Variants in ATP1A4 observed in about 807,000 individuals in gnomAD.
ATP1A4 encodes sodium/potassium-transporting ATPase subunit alpha-4.
A neutral mutation model predicts 114.3 loss-of-function variants in ATP1A4; 90 were observed. The ratio of observed to expected loss-of-function variants is 0.79; its 90% CI spans 0.66 to 0.94. The LOEUF (loss-of-function observed/expected upper bound fraction) is 0.94, where lower values mean the gene tolerates loss of function less well. ATP1A4 is among the 40% of genes least tolerant of loss of function. The pLI is 0.00. For synonymous variants in ATP1A4, 511 were observed against 494.1 expected, an observed-to-expected ratio of 1.03 and a Z score of -0.45; for missense variants, 1,222 against 1,313.6, an observed-to-expected ratio of 0.93 and a Z score of 1.08.
At chr1:160,182,397 C>T (rs1001614039) in intron 20 of ATP1A4, among the ~76,000 whole-genome samples, 1 of 152,192 alleles carries the variant, frequency 6.6e-6, no homozygotes, top group Non-Finnish European at 1.5e-5. Flanking sequence ...TTCTGTTGTA[C>T]TTATGCAAAT....
chr1:160,162,770 A>T (rs1652906958), intron 6 of ATP1A4, among the ~76,000 whole-genome samples: 1 of 152,154 alleles, frequency 6.6e-6, no homozygotes, highest in Admixed American at 6.5e-5. Context: ...GGATAAGGGG[A>T]TGTTGGAACA....
intron 18 of ATP1A4, among the ~76,000 whole-genome samples, chr1:160,179,342 T>C (rs1278159590): frequency 6.6e-6 from 1 of 152,226 alleles, no homozygotes; most frequent in African/African-American, 2.4e-5. Context: ...ATCTTGATAC[T>C]TCCTCCCTGC....
At chr1:160,155,766 T>C (rs1652629366) in intron 3 of ATP1A4, among the ~76,000 whole-genome samples, 1 of 151,956 alleles carries the variant, frequency 6.6e-6, no homozygotes, top group African/African-American at 2.4e-5. Flanking sequence ...TCCCTCACAA[T>C]CCACCCCCTC....
chr1:160,168,834 C>G (rs905058761), intron 10 of ATP1A4, among the ~76,000 whole-genome samples: 1 of 152,130 alleles, frequency 6.6e-6, no homozygotes, highest in Admixed American at 6.5e-5. Context: ...CAAACTTATT[C>G]CCATTTTTTT....
intron 4 of ATP1A4, 138 bp downstream of exon 4, chr1:160,156,296 A>G (rs1652662695): frequency 1.6e-6 from 1 of 625,828 alleles, no homozygotes; most frequent in Non-Finnish European, 2.9e-6. Context: ...AAGGTACTGT[A>G]TCAGTCCTTA....
In ATP1A4 at chr1:160,171,437, C is replaced by T. The variant is rs758928463; in HGVS notation, c.1678C>T (p.Leu560=). The T allele has an allele frequency of 1.2e-6, 2 of 1,613,492 alleles. No individual in the cohort carries two copies. Among genetic ancestry groups the T allele is most frequent in the South Asian group, 2.2e-5 (2 of 91,044 alleles). ...LELGGLGERV[L]GFCFLNLPSS... is the part of the protein sequence containing the mutation. ...ACTGGGAGGTCTGGGGGAACGTGTG[C>T]TAGGTGAGGAGCTTTGGGAGAAGTT... Residue 560 remains leucine, a synonymous_variant, in exon 11 of 22, where the codon CTA becomes TTA. Coordinates refer to ENST00000368081, the MANE Select transcript of ATP1A4 (RefSeq NM_144699.4).
rs1024877367 is a variant in ATP1A4, at chr1:160,186,617, C to T, written c.3062-54C>T. The T allele has an allele frequency of 1.9e-6, 3 of 1,588,938 alleles. No individual in the cohort carries two copies. In the African/African-American group the frequency reaches 4.0e-5, roughly 21 times the overall value. On this transcript the variant is annotated intron_variant, in intron 21 of 21. Transcript: ENST00000368081. ...CTGCTTTCCCTTCTGCCTGTCTCCCCTGGATGCCTCTAATTCCTTCTCCCA... is the reference window on the plus strand; with the variant it reads ...CTGCTTTCCCTTCTGCCTGTCTCCCTTGGATGCCTCTAATTCCTTCTCCCA...
In ATP1A4 at chr1:160,186,670, G is replaced by T. The variant is rs139435184; in HGVS notation, c.3062-1G>T. 95 of 1,610,522 alleles carry T rather than the reference G, an allele frequency of 5.9e-5. No individual in the cohort carries two copies. Among genetic ancestry groups the T allele is most frequent in the Non-Finnish European group, 7.7e-5 (91 of 1,178,520 alleles). On this transcript the variant is annotated splice_acceptor_variant, in intron 21 of 21. Transcript: ENST00000368081. LOFTEE classifies it high-confidence loss of function. ...TCACGCTGGCCTCTTCTCTTCCACAGGCTGGGTGGAAAGGGAGACGTACTA... is the reference window on the plus strand; with the variant it reads ...TCACGCTGGCCTCTTCTCTTCCACATGCTGGGTGGAAAGGGAGACGTACTA...
Position 160,171,862 on chromosome 1 carries a change from C to T in ATP1A4, c.1854+105C>T, listed in dbSNP as rs115582908. 2.5e-3 allele frequency: 2,952 copies of T among 1,159,158 alleles called. 66 individuals carry two copies. In the African/African-American group the frequency reaches 0.04, roughly 16 times the overall value. 71.8% of individuals were successfully genotyped at this position (1,159,158 alleles called of 1,614,324 possible). Reference sequence around the variant, plus strand: ...GCTTAATACCCTTAGTTTAATTGAGCGGATTTCTGTTTCCTTGGGCTTATG... The same window carrying T: ...GCTTAATACCCTTAGTTTAATTGAGTGGATTTCTGTTTCCTTGGGCTTATG... On this transcript the variant is annotated intron_variant, in intron 12 of 21. Coordinates refer to ENST00000368081, the MANE Select transcript of ATP1A4 (RefSeq NM_144699.4).
At chr1:160,185,522 A>T (rs940512427) in intron 20 of ATP1A4, among the ~76,000 whole-genome samples, 4 of 152,144 alleles carry the variant, frequency 2.6e-5, no homozygotes, top group African/African-American at 9.7e-5. Flanking sequence ...ACGATGGCTC[A>T]TGCCTATAAT....
chr1:160,180,437 C>T (rs1301808013), intron 18 of ATP1A4, among the ~76,000 whole-genome samples: 2 of 152,134 alleles, frequency 1.3e-5, no homozygotes, highest in Admixed American at 6.6e-5. Flanking sequence ...AGATGCACCC[C>T]TTCTGTGTTC....
chr1:160,173,974 G>T (rs1045013169), intron 13 of ATP1A4, 137 bp from the exon 14 acceptor site: 68 of 1,152,644 alleles, frequency 5.9e-5, no homozygotes, highest in Non-Finnish European at 7.5e-5. Context: ...GTCAATTTGG[G>T]GACAATATAG....
At chr1:160,169,770 T>C (rs1215311090) in intron 10 of ATP1A4, 2 of 152,112 alleles carry the variant, frequency 1.3e-5, no homozygotes, top group Admixed American at 6.6e-5. Flanking sequence ...AACCCACATT[T>C]CTCTCTCCTT....
chr1:160,174,767 A>G lies in ATP1A4; in HGVS notation c.2311+20A>G, dbSNP rs1226419575. Reference sequence around the variant, plus strand: ...AGGAGGGTGAGGAGGCAGGGTGCCCATGGTGGAGACTTCAACCCTGGACTC... The same window carrying G: ...AGGAGGGTGAGGAGGCAGGGTGCCCGTGGTGGAGACTTCAACCCTGGACTC... On this transcript the variant is annotated intron_variant, in intron 15 of 21. Transcript: ENST00000368081. 6.2e-7 allele frequency: 1 copy of G among 1,613,284 alleles called. No individual in the cohort carries two copies. Among genetic ancestry groups the G allele is most frequent in the Admixed American group, 1.7e-5 (1 of 60,002 alleles).
chr1:160,183,739 T>C (rs1653786507), intron 20 of ATP1A4, among the ~76,000 whole-genome samples: 1 of 152,240 alleles, frequency 6.6e-6, no homozygotes, highest in Admixed American at 6.5e-5. Context: ...ACTGGGGAAG[T>C]AAATTTGTAA....
At chr1:160,154,028 A>T (rs184110131) in intron 2 of ATP1A4, among the ~76,000 whole-genome samples, 1 of 152,296 alleles carries the variant, frequency 6.6e-6, no homozygotes, top group Admixed American at 6.5e-5. Flanking sequence ...TGGAATGAGA[A>T]TCTATGCATT....
chr1:160,161,941 A>G (rs934982570), intron 6 of ATP1A4, among the ~76,000 whole-genome samples: 1 of 152,224 alleles, frequency 6.6e-6, no homozygotes, highest in Non-Finnish European at 1.5e-5. Context: ...GTATGAGTCT[A>G]TATTGGTCCT....
intron 6 of ATP1A4, 91 bp from the exon 7 acceptor site, chr1:160,164,065 A>G: frequency 6.7e-7 from 1 of 1,489,156 alleles, no homozygotes; most frequent in South Asian, 1.3e-5. Context: ...GGTTTTTAGA[A>G]GCTCTATGTC....
In ATP1A4 at chr1:160,181,741, A is replaced by T; in HGVS notation, c.2794A>T (p.Ile932Phe). The T allele has an allele frequency of 6.2e-7, 1 of 1,613,944 alleles. No homozygotes were observed. The highest frequency in any genetic ancestry group is 1.1e-5 in the South Asian group (1 of 91,074). Reference protein sequence around the residue: ...FTCQTAFFVTIVVVQWADLII... With the variant: ...FTCQTAFFVTFVVVQWADLII... ...ATGCCAAACGGCCTTTTTTGTCACC[A>T]TCGTGGTTGTGCAGTGGGCGGATCT... The change falls in exon 19 of 22, where the codon ATC becomes TTC. Residue 932 changes from isoleucine (I) to phenylalanine (F), a missense_variant. Ile to Phe is a conservative substitution (Grantham distance 21, BLOSUM62 0). Transcript: ENST00000368081.
Sources: gnomAD v4.1 joint callset for allele counts (sites outside exome capture counted in the v4.1 genomes callset) on GRCh38, gnomAD v4.1.1 for gene constraint, MANE v1.5 for transcripts, NCBI Gene and HGNC (gene_info 2026-07-23, HGNC 2026-07-21) for gene names.